Variants in SEPTIN9 observed in about 807,000 individuals in gnomAD.
The protein encoded by SEPTIN9 is septin-9.
Under a neutral mutation model 56.6 loss-of-function variants are expected in SEPTIN9, and 13 were observed. The ratio of observed to expected loss-of-function variants is 0.23; its 90% CI spans 0.15 to 0.37. The LOEUF is 0.37. Ranked by LOEUF, SEPTIN9 falls within the 10% of genes least tolerant of loss-of-function variation. The pLI, the probability that SEPTIN9 is intolerant of heterozygous loss-of-function variation, is 1.00. For missense variants in SEPTIN9, 650 were observed against 823.1 expected, an observed-to-expected ratio of 0.79 and a Z score of 2.57; for synonymous variants, 332 against 334.1, an observed-to-expected ratio of 0.99 and a Z score of 0.07.
chr17:77,311,197 C>A (rs567459730), intron 2 of SEPTIN9, among the ~76,000 whole-genome samples: 1 of 151,552 alleles, frequency 6.6e-6, no homozygotes, highest in African/African-American at 2.4e-5. Context: ...GGCCAGGGAG[C>A]GTCTGGGAAG....
chr17:77,311,580 C>T (rs1598175816), intron 2 of SEPTIN9, among the ~76,000 whole-genome samples: 1 of 152,184 alleles, frequency 6.6e-6, no homozygotes, highest in East Asian at 1.9e-4. Flanking sequence ...GAGTGCCTGG[C>T]TCCACCTGGT....
At chr17:77,331,596 C>T (rs1011286189) in intron 2 of SEPTIN9, among the ~76,000 whole-genome samples, 2 of 152,190 alleles carry the variant, frequency 1.3e-5, no homozygotes, top group African/African-American at 2.4e-5. Flanking sequence ...CAGGTGGCGC[C>T]GCAAGCTCTC....
chr17:77,409,459 A>C (rs1054087544), intron 3 of SEPTIN9, among the ~76,000 whole-genome samples: 1 of 151,758 alleles, frequency 6.6e-6, no homozygotes, highest in Non-Finnish European at 1.5e-5. Flanking sequence ...CCGGGAATGC[A>C]GCGGGTGCCG....
At chr17:77,479,164 G>A (rs1255492752) in intron 3 of SEPTIN9, among the ~76,000 whole-genome samples, 3 of 152,230 alleles carry the variant, frequency 2.0e-5, no homozygotes, top group Non-Finnish European at 4.4e-5. Context: ...CAAACGTTAT[G>A]ACAATTAAAA....
intron 2 of SEPTIN9, chr17:77,320,115 A>T (rs2032852881): frequency 4.1e-6 from 6 of 1,457,028 alleles, no homozygotes; most frequent in Non-Finnish European, 4.5e-6. Flanking sequence ...AGTTTGGAGC[A>T]CAAACATATG....
At chr17:77,474,813 G>T (rs1391427615) in intron 3 of SEPTIN9, among the ~76,000 whole-genome samples, 1 of 152,154 alleles carries the variant, frequency 6.6e-6, no homozygotes, top group Non-Finnish European at 1.5e-5. Context: ...AATAACAGTG[G>T]CTACCTTATA....
rs80305877 is a variant in SEPTIN9, at chr17:77,421,428, T to A, written c.721+18725T>A. On this transcript the variant is annotated intron_variant, in intron 3 of 11. Coordinates refer to ENST00000427177, the MANE Select transcript of SEPTIN9 (RefSeq NM_001113491.2). The surrounding 1 kb of genome is among the most constrained non-coding windows in gnomAD (Gnocchi z 4.6). ...ACTGGGCTGGATGCTGCTGGGAAAG[T>A]CAACAGGAAGTCTTTTGGCTGCGGT... 0.021 allele frequency among the ~76,000 whole-genome samples: 3,173 copies of A among 152,130 alleles called. 175 individuals carry two copies. The East Asian group carries it at 0.23, about 11-fold the overall frequency.
intron 2 of SEPTIN9, among the ~76,000 whole-genome samples, chr17:77,382,681 A>G (rs1219919300): frequency 1.3e-5 from 2 of 152,112 alleles, no homozygotes; most frequent in African/African-American, 4.8e-5. Context: ...CCACCAGAAA[A>G]CCTCAGAAAG....
rs140106411 is a variant in SEPTIN9, at chr17:77,389,830, A to T, written c.77-12229A>T. Among the ~76,000 whole-genome samples, 931 of 152,168 alleles carry T rather than the reference A, an allele frequency of 6.1e-3. 4 individuals carry two copies. Among genetic ancestry groups the T allele is most frequent in the Non-Finnish European group, 0.011 (740 of 67,982 alleles). On this transcript the variant is annotated intron_variant, in intron 2 of 11. Coordinates refer to ENST00000427177, the MANE Select transcript of SEPTIN9 (RefSeq NM_001113491.2). The surrounding 1 kb of genome is among the most constrained non-coding windows in gnomAD (Gnocchi z 4.3). ...TCAATCTGCTCCTAGTGGAGCAGCCAGCAGCTGGTTTAGAACCCGGGGGTG... is the reference window on the plus strand; with the variant it reads ...TCAATCTGCTCCTAGTGGAGCAGCCTGCAGCTGGTTTAGAACCCGGGGGTG...
rs57010505 is a variant in SEPTIN9 at position 77,475,409 on chromosome 17, C to T, written c.722-6735C>T. ...GAGAGGAGGAGGGAGCAGCCCTGGC[C>T]GGACACTGTCCTCCTAGCATTGCCT... On this transcript the variant is annotated intron_variant, in intron 3 of 11. Transcript: ENST00000427177. The surrounding 1 kb of genome is among the most constrained non-coding windows in gnomAD (Gnocchi z 4.6). 166 of 1,462,304 alleles carry T rather than the reference C, an allele frequency of 1.1e-4. No homozygotes were observed. In the African/African-American group the frequency reaches 1.8e-3, roughly 16 times the overall value. The allele number at this position is 1,462,304 out of a possible 1,614,324, so 90.6% of individuals were successfully genotyped here.
intron 2 of SEPTIN9, among the ~76,000 whole-genome samples, chr17:77,365,893 C>T (rs984593367): frequency 2.0e-5 from 3 of 152,132 alleles, no homozygotes; most frequent in Non-Finnish European, 2.9e-5. Flanking sequence ...TTCCTGCTGA[C>T]GTGGAACTAG....
intron 2 of SEPTIN9, among the ~76,000 whole-genome samples, chr17:77,395,303 G>A (rs11870159): frequency 0.015 from 2,210 of 152,078 alleles, 39 homozygotes; most frequent in African/African-American, 0.051. Flanking sequence ...CGAGGCAGGC[G>A]GATCATGAGG....
intron 1 of SEPTIN9, among the ~76,000 whole-genome samples, chr17:77,283,723 G>T (rs976931212): frequency 6.6e-6 from 1 of 152,164 alleles, no homozygotes; most frequent in East Asian, 1.9e-4. Flanking sequence ...TTGAACATTC[G>T]TGAGCCTCTG....
intron 3 of SEPTIN9, among the ~76,000 whole-genome samples, chr17:77,447,699 A>G (rs781123877): frequency 6.6e-6 from 1 of 152,236 alleles, no homozygotes; most frequent in Admixed American, 6.5e-5. Context: ...ATCTCAGCTC[A>G]CCGCAACCTC....
At chr17:77,411,952 A>G (rs2036318965) in intron 3 of SEPTIN9, among the ~76,000 whole-genome samples, 1 of 151,638 alleles carries the variant, frequency 6.6e-6, no homozygotes, top group African/African-American at 2.4e-5. Flanking sequence ...CAACATGGTG[A>G]AACCCCATCT....
At chr17:77,308,651 T>C (rs1050028070) in intron 2 of SEPTIN9, among the ~76,000 whole-genome samples, 1 of 152,184 alleles carries the variant, frequency 6.6e-6, no homozygotes, top group African/African-American at 2.4e-5. Context: ...ACTGAACAGT[T>C]CCAGACCACA....
Position 77,367,997 on chromosome 17 carries a change from C to T in SEPTIN9, c.77-34062C>T, listed in dbSNP as rs553161398. Among the ~76,000 whole-genome samples, 25 of 152,306 alleles carry T rather than the reference C, an allele frequency of 1.6e-4. No homozygotes were observed. The highest frequency in any genetic ancestry group is 5.5e-4 in the African/African-American group (23 of 41,558). On this transcript the variant is annotated intron_variant, in intron 2 of 11. Transcript: ENST00000427177. The surrounding 1 kb of genome is among the most constrained non-coding windows in gnomAD (Gnocchi z 4.5). The stretch of plus-strand genomic sequence containing the variant: ...AATATCATTCAGCCTTCAAAAGGAA[C>T]GGAATTCTGTCACTACATGTGAACC...
intron 10 of SEPTIN9, chr17:77,496,494 A>AAAAGGCCTTC (rs1488578279): frequency 6.6e-6 from 1 of 152,106 alleles, no homozygotes; most frequent in African/African-American, 2.4e-5. Flanking sequence ...CCTCCTTGTT[A>AAAAGGCCTTC]AAAGGCCTTC....
At chr17:77,485,142 G>A (rs1484532657) in intron 4 of SEPTIN9, among the ~76,000 whole-genome samples, 1 of 150,328 alleles carries the variant, frequency 6.7e-6, no homozygotes, top group African/African-American at 2.5e-5. Context: ...TGGTGGTGGT[G>A]ATTGTGATGG....
Sources: gnomAD v4.1 joint callset for allele counts (sites outside exome capture counted in the v4.1 genomes callset) on GRCh38, gnomAD v4.1.1 for gene constraint, Gnocchi (gnomAD v3.1) non-coding constraint, MANE v1.5 for transcripts, NCBI Gene and HGNC (gene_info 2026-07-23, HGNC 2026-07-21) for gene names.